The following TTN variants were observed in gnomAD, a reference collection of about 807,000 sequenced individuals.
The protein encoded by TTN is titin.
A neutral mutation model predicts 3,223.0 loss-of-function variants in TTN; 1,525 were observed. The ratio of observed to expected loss-of-function variants is 0.47; its 90% CI spans 0.45 to 0.49. TTN has a LOEUF of 0.49. TTN is among the 20% of genes least tolerant of loss of function. TTN has a pLI of 0.00. For missense variants in TTN, 40,786 were observed against 43,424.0 expected, an observed-to-expected ratio of 0.94 and a Z score of 5.40; for synonymous variants, 14,094 against 15,161.0, an observed-to-expected ratio of 0.93 and a Z score of 5.17.
intron 60 of TTN, 33 bp downstream of exon 60, chr2:178,730,892 G>A (rs753307220): frequency 6.5e-7 from 1 of 1,550,356 alleles, no homozygotes; most frequent in Non-Finnish European, 8.7e-7. Flanking sequence ...GCATGGAAAT[G>A]CCCAATCCTC....
At position 178,714,015 on chromosome 2, in the gene TTN, G is replaced by A. The variant is rs982955034; in HGVS notation, c.26643C>T (p.Phe8881=). Residue 8881 remains phenylalanine (F), a synonymous_variant, in exon 92 of 363, where the codon TTC becomes TTT. Coordinates refer to ENST00000589042, the MANE Select transcript of TTN (RefSeq NM_001267550.2). ...TSDNKYKISF[F]NKVSGLKIIN... is the part of the protein sequence containing the mutation. ...TGATCTTAAGGCCGGATACTTTGTT[G>A]AAGAAGCTTATTTTGTATTTGTTGT... 2.5e-6 allele frequency: 4 copies of A among 1,613,448 alleles called. No individual in the cohort carries two copies. The African/African-American group carries it at 5.3e-5, about 22-fold the overall frequency.
At position 178,549,977 on chromosome 2, in the gene TTN, T is replaced by A. The variant is rs1553535980; in HGVS notation, c.91852+9A>T. 6.3e-7 allele frequency: 1 copy of A among 1,596,106 alleles called. No individual in the cohort carries two copies. The highest frequency in any genetic ancestry group is 1.3e-5 in the African/African-American group (1 of 74,372). ...AAATTGTAGCATTAAGAAGCTATTT[T>A]AAAAGTACCTTGTACTTTCACTTTA... On this transcript the variant is annotated intron_variant, in intron 337 of 362. Transcript: ENST00000589042.
intron 253 of TTN, 76 bp from the exon 254 acceptor site, chr2:178,617,588 T>TGTAATGTA: frequency 1.4e-6 from 2 of 1,441,414 alleles, no homozygotes; most frequent in Admixed American, 5.3e-5. Flanking sequence ...TAATCAATTA[T>TGTAATGTA]ATCATCCTCA....
intron 288 of TTN, among the ~76,000 whole-genome samples, chr2:178,600,215 AG>A (rs2052961958): frequency 6.6e-6 from 1 of 151,906 alleles, no homozygotes; most frequent in South Asian, 2.1e-4. Flanking sequence ...AGAATTATGA[AG>A]GGATACACAA....
chr2:178,708,048 A>G (rs1263194783), intron 99 of TTN, among the ~76,000 whole-genome samples: 2 of 152,172 alleles, frequency 1.3e-5, no homozygotes, highest in African/African-American at 4.8e-5. Flanking sequence ...GCTGCCCACA[A>G]ATTGCCCCAG....
intron 113 of TTN, 128 bp downstream of exon 113, chr2:178,696,993 A>C (rs1211427027): frequency 2.5e-6 from 2 of 799,280 alleles, no homozygotes; most frequent in Non-Finnish European, 3.9e-6. Context: ...TCTAATGCTA[A>C]ATTTAACACA....
At position 178,621,512 on chromosome 2, in the gene TTN, G is replaced by T. The variant is rs1445316071; in HGVS notation, c.45312C>A (p.Leu15104=). 1 of 1,612,450 alleles carries T rather than the reference G, an allele frequency of 6.2e-7. No homozygotes were observed. Among genetic ancestry groups the T allele is most frequent in the South Asian group, 1.1e-5 (1 of 91,044 alleles). Residue 15104 remains leucine, a synonymous_variant, in exon 245 of 363, where the codon CTC becomes CTA. Coordinates refer to ENST00000589042, the MANE Select transcript of TTN (RefSeq NM_001267550.2). The stretch of plus-strand genomic sequence containing the variant: ...CTTTGCCATCGGTTCGAGAGCTTGG[G>T]AGTCGACAGTTGTAGTTGCCAGCAT... ...LEDAGNYNCR[L]PSSRTDGKVK...
In TTN at chr2:178,712,341, G is replaced by A; in HGVS notation, c.27581C>T (p.Ser9194Phe). Residue 9194 changes from serine (S) to phenylalanine (F), a missense_variant, in exon 95 of 363, where the codon TCC becomes TTC. Coordinates refer to ENST00000589042, the MANE Select transcript of TTN (RefSeq NM_001267550.2). ...CYIENASGKDSCSAQILILEP... is the reference protein window; with the variant it reads ...CYIENASGKDFCSAQILILEP... Reference sequence around the variant, plus strand: ...TAGTATGAGTATTTGTGCTGAACAGGAATCTTTTCCAGAGGCATTTTCAAT... The same window carrying A: ...TAGTATGAGTATTTGTGCTGAACAGAAATCTTTTCCAGAGGCATTTTCAAT... 1 of 1,613,678 alleles carries A rather than the reference G, an allele frequency of 6.2e-7. No homozygotes were observed. Among genetic ancestry groups the A allele is most frequent in the Non-Finnish European group, 8.5e-7 (1 of 1,179,706 alleles).
Position 178,800,403 on chromosome 2 carries a change from A to C in TTN, c.575T>G (p.Leu192Arg), listed in dbSNP as rs1375853157. The C allele has an allele frequency of 1.2e-6, 2 of 1,614,042 alleles. No individual in the cohort carries two copies. The highest frequency in any genetic ancestry group is 1.7e-6 in the Non-Finnish European group (2 of 1,180,008). The change falls in exon 4 of 363, where the codon CTG becomes CGG. Residue 192 changes from leucine (L) to arginine (R), a missense_variant. Physicochemically the swap from Leu to Arg is moderately radical, Grantham distance 102. Coordinates refer to ENST00000589042, the MANE Select transcript of TTN (RefSeq NM_001267550.2). ...VGRATSTAEL[L>R]VQGEEEVPAK... ...CAACCTCCAGCACGTACCTTGAACCAGTAATTCAGCAGTCGAAGTAGCTCT... is the reference window on the plus strand; with the variant it reads ...CAACCTCCAGCACGTACCTTGAACCCGTAATTCAGCAGTCGAAGTAGCTCT...
rs1295070292 is a variant in TTN at position 178,776,988 on chromosome 2, C to A, written c.4876G>T (p.Ala1626Ser). 1 of 1,613,920 alleles carries A rather than the reference C, an allele frequency of 6.2e-7. No homozygotes were observed. The highest frequency in any genetic ancestry group is 1.3e-5 in the African/African-American group (1 of 74,922). Residue 1626 changes from alanine (A) to serine (S), a missense_variant, in exon 28 of 363, where the codon GCC becomes TCC. Ala to Ser is a moderately conservative substitution (Grantham distance 99). Coordinates refer to ENST00000589042, the MANE Select transcript of TTN (RefSeq NM_001267550.2). ...TTAATAGCAGTCGCAGTATACCAGG[C>A]AGAATCTTGGCTGACAGTGGAATCG... is the stretch of plus-strand genomic sequence containing the variant. ...KIDSTVSQDS[A>S]WYTATAINKA... is the part of the protein sequence containing the mutation.
rs531738768 is a variant in TTN, at chr2:178,641,835, A to T, written c.40558+402T>A. On this transcript the variant is annotated intron_variant, in intron 219 of 362. Transcript: ENST00000589042. ...CAGTTTTTTAAAAATGTTATTTATT[A>T]GTTGTGGTGATCCTGTGTCACACTT... 2.8e-3 allele frequency among the ~76,000 whole-genome samples: 419 copies of T among 151,984 alleles called. 3 individuals carry two copies. Among genetic ancestry groups the T allele is most frequent in the Admixed American group, 7.2e-3 (110 of 15,196 alleles).
Position 178,574,523 on chromosome 2 carries a change from C to A in TTN, c.71609G>T (p.Gly23870Val), listed in dbSNP as rs1709389326. The stretch of plus-strand genomic sequence containing the variant: ...TTTGCTCACAGTCTGCCAGAGAATA[C>A]CATTTCGTTCTTTTCTTTCAACATG... ...GYHVERKERN[G>V]ILWQTVSKAL... Residue 23870 changes from glycine (G) to valine (V), a missense_variant, in exon 326 of 363, where the codon GGT (glycine) becomes GTT (valine). By Grantham distance (109) the Gly-to-Val change is moderately radical. Transcript: ENST00000589042. The A allele has an allele frequency of 3.1e-6, 5 of 1,613,510 alleles. No individual in the cohort carries two copies. The highest frequency in any genetic ancestry group is 4.2e-6 in the Non-Finnish European group (5 of 1,179,606).
At chr2:178,795,562 C>T (rs2093725055) in intron 6 of TTN, among the ~76,000 whole-genome samples, 1 of 151,330 alleles carries the variant, frequency 6.6e-6, no homozygotes, top group Admixed American at 6.6e-5. Flanking sequence ...CTTTAATATG[C>T]AGCCAAAGGA....
chr2:178,778,941 C>A lies in TTN; in HGVS notation c.4141G>T (p.Val1381Leu). 6.2e-7 allele frequency: 1 copy of A among 1,613,996 alleles called. No homozygotes were observed. The highest frequency in any genetic ancestry group is 1.3e-5 in the African/African-American group (1 of 75,046). Residue 1381 changes from valine (V) to leucine (L), a missense_variant, in exon 24 of 363, where the codon GTG (valine) becomes TTG (leucine). Val to Leu is a conservative substitution (Grantham distance 32). Transcript: ENST00000589042. Reference sequence around the variant, plus strand: ...GCTCCAAGTGGTGCAGCAGGCTCCACATACAATTTCCCTGAGCAAATTGCA... The same window carrying A: ...GCTCCAAGTGGTGCAGCAGGCTCCAAATACAATTTCCCTGAGCAAATTGCA... ...GNAICSGKLY[V>L]EPAAPLGAPT...
rs1057523198 is a variant in TTN, at chr2:178,681,143, C to T, written c.33276G>A (p.Glu11092=). The T allele has an allele frequency of 2.5e-5, 40 of 1,600,908 alleles. No homozygotes were observed. The highest frequency in any genetic ancestry group is 3.4e-5 in the Non-Finnish European group (40 of 1,175,946). The change falls in exon 138 of 363, where the codon GAG becomes GAA. Residue 11092 remains glutamate, a synonymous_variant. Transcript: ENST00000589042. The part of the protein sequence containing the change: ...KVPEEPKKVF[E]EKIRISITKR... The stretch of plus-strand genomic sequence containing the variant: ...TGGTAATTGAAATACGTATTTTTTC[C>T]TCAAAAACTTTCTTTGGTTCTTCAG...
In TTN at chr2:178,561,191, A is replaced by T. The variant is rs1442636431; in HGVS notation, c.84941T>A (p.Val28314Glu). The part of the protein sequence containing the change: ...YTNIQETYFE[V>E]TELTEDQRYE... ...ACGCTGATCTTCAGTAAGTTCAGTT[A>T]CTTCAAAGTATGTTTCTTGTATATT... Residue 28314 changes from valine (V) to glutamate (E), a missense_variant, in exon 326 of 363, where the codon GTA becomes GAA. Physicochemically the swap from Val to Glu is moderately radical, Grantham distance 121 (BLOSUM62 -2). Coordinates refer to ENST00000589042, the MANE Select transcript of TTN (RefSeq NM_001267550.2). 6.2e-7 allele frequency: 1 copy of T among 1,613,608 alleles called. No homozygotes were observed. The highest frequency in any genetic ancestry group is 2.2e-5 in the East Asian group (1 of 44,800).
In TTN at chr2:178,568,711, G is replaced by A. The variant is rs1354210851; in HGVS notation, c.77421C>T (p.Tyr25807=). 6.2e-7 allele frequency: 1 copy of A among 1,613,302 alleles called. No individual in the cohort carries two copies. Among genetic ancestry groups the A allele is most frequent in the Non-Finnish European group, 8.5e-7 (1 of 1,179,558 alleles). Residue 25807 remains tyrosine, a synonymous_variant, in exon 326 of 363, where the codon TAC becomes TAT. Transcript: ENST00000589042. ...EPDVKPAFSS[Y]SVQVGQDLKI... Reference sequence around the variant, plus strand: ...TCAAATCTTGGCCAACCTGTACACTGTAACTACTGAATGCAGGTTTTACAT... The same window carrying A: ...TCAAATCTTGGCCAACCTGTACACTATAACTACTGAATGCAGGTTTTACAT...
Position 178,740,342 on chromosome 2 carries a change from G to T in TTN, c.12891C>A (p.Cys4297Ter). The T allele has an allele frequency of 6.2e-7, 1 of 1,613,712 alleles. No individual in the cohort carries two copies. The highest frequency in any genetic ancestry group is 8.5e-7 in the Non-Finnish European group (1 of 1,179,792). Residue 4297 changes from cysteine to a stop codon, truncating the protein, a stop_gained, in exon 48 of 363, where the codon TGC becomes TGA. Coordinates refer to ENST00000589042, the MANE Select transcript of TTN (RefSeq NM_001267550.2). LOFTEE classifies it high-confidence loss of function. ...YEPLVPSEHS[C>*]TEGGKILIES... ...CTATCAAAATTTTACCTCCTTCTGT[G>T]CATGAGTGTTCTGAAGGGACTAGGG...
Position 178,533,507 on chromosome 2 carries a change from C to T in TTN, c.103108G>A (p.Ala34370Thr), listed in dbSNP as rs756504028. 1 of 1,613,516 alleles carries T rather than the reference C, an allele frequency of 6.2e-7. No individual in the cohort carries two copies. Among genetic ancestry groups the T allele is most frequent in the East Asian group, 2.2e-5 (1 of 44,874 alleles). Residue 34370 changes from alanine (A) to threonine (T), a missense_variant, in exon 358 of 363, where the codon GCA becomes ACA. Coordinates refer to ENST00000589042, the MANE Select transcript of TTN (RefSeq NM_001267550.2). ...TLRPMFKRLL[A>T]NAECQEGQSV... is the part of the protein sequence containing the mutation. ...TGGCCTTCTTGGCATTCTGCATTTGCCAGTAACCTTTTGAACATGGGTCTT... is the reference window on the plus strand; with the variant it reads ...TGGCCTTCTTGGCATTCTGCATTTGTCAGTAACCTTTTGAACATGGGTCTT...
Sources: allele counts gnomAD v4.1 joint callset (sites outside exome capture counted in the v4.1 genomes callset), GRCh38; gene constraint gnomAD v4.1.1; transcripts MANE v1.5; gene names NCBI Gene and HGNC (gene_info 2026-07-23, HGNC 2026-07-21).